The following QRICH2 variants were observed in gnomAD, a reference collection of about 807,000 sequenced individuals.
QRICH2 encodes the protein glutamine-rich protein 2.
In QRICH2, 119 loss-of-function variants were observed where a neutral mutation model predicts 168.3. The observed-to-expected ratio is 0.71, with a 90% CI of 0.61 to 0.82. The LOEUF is 0.82. Ranked by LOEUF, QRICH2 falls within the 40% of genes least tolerant of loss-of-function variation. The pLI, the probability that QRICH2 is intolerant of heterozygous loss-of-function variation, is 0.00. For missense variants in QRICH2, 2,241 were observed against 2,491.6 expected (o/e 0.90, Z 2.14); for synonymous variants, 894 against 951.2 (o/e 0.94, Z 1.11).
intron 5 of QRICH2, 24 bp from the exon 6 acceptor site, chr17:76,287,921 G>C (rs777109784): frequency 6.3e-7 from 1 of 1,592,820 alleles, no homozygotes; most frequent in Non-Finnish European, 8.6e-7. Flanking sequence ...GAATGAGGAG[G>C]GTCAGGCAGG....
chr17:76,277,632 G>A (rs910996162), intron 15 of QRICH2, among the ~76,000 whole-genome samples: 16 of 150,968 alleles, frequency 1.1e-4, no homozygotes, highest in African/African-American at 3.9e-4. Flanking sequence ...ACATACACAC[G>A]AACATATACA....
Position 76,279,082 on chromosome 17 carries a change from G to A in QRICH2, c.4875C>T (p.Tyr1625=), listed in dbSNP as rs2070740650. The A allele has an allele frequency of 8.1e-6, 13 of 1,613,880 alleles. No homozygotes were observed. Among genetic ancestry groups the A allele is most frequent in the African/African-American group, 1.3e-5 (1 of 74,948 alleles). Residue 1625 remains tyrosine (Y), a synonymous_variant, in exon 14 of 19, where the codon TAC becomes TAT. Transcript: ENST00000680821. ...GLPGHHSIRP[Y]TVFELEQVRQ... is the part of the protein sequence containing the mutation. ...GGACCTGCTCCAGTTCAAACACCGT[G>A]TAGGGGCGGATGGAATGGTGCCCAG...
chr17:76,292,957 C>G lies in QRICH2; in HGVS notation c.1770G>C (p.Leu590Phe), dbSNP rs767986772. 2.5e-6 allele frequency: 4 copies of G among 1,614,102 alleles called. No individual in the cohort carries two copies. Among genetic ancestry groups the G allele is most frequent in the East Asian group, 2.2e-5 (1 of 44,882 alleles). Residue 590 changes from leucine (L) to phenylalanine (F), a missense_variant, in exon 4 of 19, where the codon TTG becomes TTC. Physicochemically the swap from Leu to Phe is conservative, Grantham distance 22 (BLOSUM62 0). Coordinates refer to ENST00000680821, the MANE Select transcript of QRICH2 (RefSeq NM_001388453.1). ...CACGCTGATCTGCACCAGGTTGGAC[C>G]AAGCCAGGCTGATATGCACCACGCT... ...LVQRGAYQPG[L>F]VQPGADQRGL...
chr17:76,287,062 ACACACACACACACACACACACACACATG>A, intron 7 of QRICH2, 102 bp downstream of exon 7: 4 of 240,246 alleles, frequency 1.7e-5, no homozygotes, highest in East Asian at 2.2e-4. Context: ...ACACACACAC[ACACACACACACACACACACACACACATG>A]ATGGGAGGGA....
rs201852255 is a variant in QRICH2, at chr17:76,279,061, C to G, written c.4896G>C (p.Gln1632His). Residue 1632 changes from glutamine to histidine, a missense_variant, in exon 14 of 19, where the codon CAG (glutamine) becomes CAC (histidine). Physicochemically the swap from Gln to His is conservative, Grantham distance 24. Transcript: ENST00000680821. ...CATACTTGCGGCTATGCTGCCGGACCTGCTCCAGTTCAAACACCGTGTAGG... is the reference window on the plus strand; with the variant it reads ...CATACTTGCGGCTATGCTGCCGGACGTGCTCCAGTTCAAACACCGTGTAGG... ...IRPYTVFELE[Q>H]VRQHSRNLKL... The G allele has an allele frequency of 6.8e-5, 109 of 1,613,986 alleles. No individual in the cohort carries two copies. Among genetic ancestry groups the G allele is most frequent in the Admixed American group, 6.0e-4 (36 of 60,014 alleles).
chr17:76,290,164 C>G (rs1347435532), intron 4 of QRICH2, 87 bp from the exon 5 acceptor site: 1 of 957,444 alleles, frequency 1.0e-6, no homozygotes, highest in African/African-American at 1.7e-5. Context: ...AACACTGAAG[C>G]TACCCTAGAG....
Position 76,307,914 on chromosome 17 carries a change from C to T in QRICH2, c.85G>A (p.Ala29Thr). ...TPEVGAVNFTALHTLIVAMLK... is the reference protein window; with the variant it reads ...TPEVGAVNFTTLHTLIVAMLK... Reference sequence around the variant, plus strand: ...ATGGCCACGATGAGCGTGTGCAGGGCCGTGAAGTTGACGGCGCCCACCTCT... The same window carrying T: ...ATGGCCACGATGAGCGTGTGCAGGGTCGTGAAGTTGACGGCGCCCACCTCT... Residue 29 changes from alanine (A) to threonine (T), a missense_variant, in exon 1 of 19, where the codon GCC (alanine) becomes ACC (threonine). Coordinates refer to ENST00000680821, the MANE Select transcript of QRICH2 (RefSeq NM_001388453.1). The surrounding 1 kb of genome is among the most constrained non-coding windows in gnomAD (Gnocchi z 5.3). 8.1e-7 allele frequency: 1 copy of T among 1,241,194 alleles called. No homozygotes were observed. The highest frequency in any genetic ancestry group is 1.5e-5 in the African/African-American group (1 of 64,556). The allele number at this position is 1,241,194 out of a possible 1,614,324, so 76.9% of individuals were successfully genotyped here. A position where few individuals can be genotyped will look rare whatever the true frequency, so the allele number is the denominator to read the frequency against.
intron 5 of QRICH2, among the ~76,000 whole-genome samples, chr17:76,288,960 C>T (rs1024533518): frequency 4.6e-5 from 7 of 151,176 alleles, no homozygotes; most frequent in East Asian, 2.0e-4. Context: ...AAAAATTAGC[C>T]GGGCGTGGTG....
intron 3 of QRICH2, among the ~76,000 whole-genome samples, chr17:76,297,058 G>A (rs1203376648): frequency 6.6e-6 from 1 of 152,206 alleles, no homozygotes; most frequent in Non-Finnish European, 1.5e-5. Context: ...TCAGAAAAGT[G>A]TTGCCTCAGA....
chr17:76,291,380 G>C lies in QRICH2; in HGVS notation c.3347C>G (p.Pro1116Arg), dbSNP rs775213306. 6 of 1,614,054 alleles carry C rather than the reference G, an allele frequency of 3.7e-6. No homozygotes were observed. Among genetic ancestry groups the C allele is most frequent in the Non-Finnish European group, 5.1e-6 (6 of 1,180,010 alleles). The change falls in exon 4 of 19, where the codon CCA (proline) becomes CGA (arginine). Residue 1116 changes from proline (P) to arginine (R), a missense_variant. Around this residue, in one of 3 missense-constraint regions of QRICH2, gnomAD observed 2,047 missense variants for 2,303.8 expected, o/e 0.89. Transcript: ENST00000680821. ...ATGCTGATCAGCACTTAGATACCCTGGGCCACGATAACCAGGATACATTGA... is the reference window on the plus strand; with the variant it reads ...ATGCTGATCAGCACTTAGATACCCTCGGCCACGATAACCAGGATACATTGA... ...HDSMYPGYRGPGYLSADQHGQ... is the reference protein window; with the variant it reads ...HDSMYPGYRGRGYLSADQHGQ...
intron 3 of QRICH2, among the ~76,000 whole-genome samples, chr17:76,297,896 T>A (rs1222173225): frequency 9.0e-6 from 1 of 111,084 alleles, no homozygotes; most frequent in African/African-American, 4.6e-5. Context: ...TTTTTTTTTT[T>A]GAGACAGAGT....
At chr17:76,297,884 T>TG (rs1385359112) in intron 3 of QRICH2, among the ~76,000 whole-genome samples, 2 of 141,650 alleles carry the variant, frequency 1.4e-5, no homozygotes, top group Non-Finnish European at 3.1e-5. Flanking sequence ...TTTTTTTTTT[T>TG]TTTTTTTTTT....
intron 3 of QRICH2, among the ~76,000 whole-genome samples, chr17:76,300,396 C>A (rs1484372671): frequency 6.6e-6 from 1 of 152,090 alleles, no homozygotes; most frequent in Non-Finnish European, 1.5e-5. Context: ...CACTTCAGCC[C>A]TCGCACAGAC....
At chr17:76,274,984 G>T (rs781281297) in intron 18 of QRICH2, among the ~76,000 whole-genome samples, 1 of 152,154 alleles carries the variant, frequency 6.6e-6, no homozygotes, top group Non-Finnish European at 1.5e-5. Context: ...CATGAGCACC[G>T]CAGCCACTTT....
At chr17:76,276,183 C>T (rs898776532) in intron 17 of QRICH2, among the ~76,000 whole-genome samples, 3 of 143,672 alleles carry the variant, frequency 2.1e-5, no homozygotes, top group African/African-American at 5.4e-5. Context: ...CAGCCCTGTG[C>T]CAGGTGTGGG....
chr17:76,290,150 C>G, intron 4 of QRICH2, 73 bp from the exon 5 acceptor site: 1 of 1,096,210 alleles, frequency 9.1e-7, no homozygotes, highest in East Asian at 2.5e-5. Context: ...TTTCCAGCCC[C>G]TGTAACACTG....
At chr17:76,303,082 T>C (rs1156451963) in intron 3 of QRICH2, among the ~76,000 whole-genome samples, 1 of 151,900 alleles carries the variant, frequency 6.6e-6, no homozygotes, top group Non-Finnish European at 1.5e-5. Flanking sequence ...CAGGGTTTCA[T>C]CATGTTGTCC....
In QRICH2 at chr17:76,278,082, A is replaced by C; in HGVS notation, c.5024T>G (p.Val1675Gly). 1.2e-6 allele frequency: 2 copies of C among 1,613,910 alleles called. No homozygotes were observed. The highest frequency in any genetic ancestry group is 1.7e-6 in the Non-Finnish European group (2 of 1,180,026). Residue 1675 changes from valine (V) to glycine (G), a missense_variant, in exon 15 of 19, where the codon GTG becomes GGG. Around this residue, in one of 3 missense-constraint regions of QRICH2, gnomAD observed 2,047 missense variants for 2,303.8 expected, o/e 0.89. Transcript: ENST00000680821. ...HSKMLMNIEK[V>G]QIHFGGSTKA... ...GGTGGAGCCCCCGAAGTGGATCTGC[A>C]CCTTCTCAATGTTCATCAGCATCTT...
chr17:76,287,840 GTTCCTTCCCTGC>G lies in QRICH2; in HGVS notation c.3844_3855del (p.Ala1282_Glu1285del), dbSNP rs2070918477. On this transcript the variant is annotated inframe_deletion, in exon 6 of 19. Coordinates refer to ENST00000680821, the MANE Select transcript of QRICH2 (RefSeq NM_001388453.1). ...TGCAATCTCAGCTCTCCAGCTTTCA[GTTCCTTCCCTGC>G]TTCTTGATTCCCTTCCCCTTCCAGG... 6.2e-7 allele frequency: 1 copy of G among 1,614,136 alleles called. No homozygotes were observed.
Sources: gnomAD v4.1 joint callset for allele counts (sites outside exome capture counted in the v4.1 genomes callset) on GRCh38, gnomAD v4.1.1 for gene constraint, gnomAD v4.1.1 regional missense constraint, Gnocchi (gnomAD v3.1) non-coding constraint, MANE v1.5 for transcripts, NCBI Gene and HGNC (gene_info 2026-07-23, HGNC 2026-07-21) for gene names.